The following PPP1R12B variants were observed in gnomAD, a reference collection of about 807,000 sequenced individuals.
PPP1R12B encodes myosin phosphatase target subunit 2.
In PPP1R12B, 76 loss-of-function variants were observed where a neutral mutation model predicts 126.1. That is an observed-to-expected ratio of 0.60 (90% CI 0.50 to 0.73). The LOEUF is 0.73. Among genes scored for constraint, PPP1R12B ranks in the 30% least tolerant of loss-of-function variants. The pLI is 0.00. For synonymous variants in PPP1R12B, 356 were observed against 434.7 expected (o/e 0.82, Z 2.25); for missense variants, 1,052 against 1,205.1 (o/e 0.87, Z 1.88).
intron 1 of PPP1R12B, among the ~76,000 whole-genome samples, chr1:202,393,721 G>A (rs558600556): frequency 2.5e-4 from 38 of 152,222 alleles, no homozygotes; most frequent in African/African-American, 7.9e-4. Flanking sequence ...TGGGGGAATG[G>A]TTAGATATTC....
At chr1:202,430,598 C>T (rs563235450) in intron 6 of PPP1R12B, 133 bp from the exon 7 acceptor site, 127 of 800,630 alleles carry the variant, frequency 1.6e-4, no homozygotes, top group Non-Finnish European at 2.2e-4. Context: ...CTCTTTTTCT[C>T]GGGTTCCCCA....
chr1:202,381,215 ACT>A (rs1410502571), intron 1 of PPP1R12B, among the ~76,000 whole-genome samples: 1 of 152,064 alleles, frequency 6.6e-6, no homozygotes, highest in Non-Finnish European at 1.5e-5. Context: ...AAGAACAATA[ACT>A]CTATTTCTTC....
chr1:202,364,277 G>T (rs1658739970), intron 1 of PPP1R12B, among the ~76,000 whole-genome samples: 2 of 152,126 alleles, frequency 1.3e-5, no homozygotes, highest in Non-Finnish European at 2.9e-5. Flanking sequence ...TTTGAAGAAG[G>T]ATGATACCTT....
chr1:202,383,091 ATT>A (rs1662602536), intron 1 of PPP1R12B, among the ~76,000 whole-genome samples: 1 of 152,210 alleles, frequency 6.6e-6, no homozygotes, highest in African/African-American at 2.4e-5. Context: ...TTTCAAGTCA[ATT>A]AAGTTTGCAA....
At chr1:202,471,653 AT>A (rs951760306) in intron 13 of PPP1R12B, among the ~76,000 whole-genome samples, 19 of 139,274 alleles carry the variant, frequency 1.4e-4, no homozygotes, top group South Asian at 6.6e-4. Context: ...TTTAATTTGC[AT>A]TTTTTTTATT....
At chr1:202,432,863 A>G (rs1670354257) in intron 8 of PPP1R12B, among the ~76,000 whole-genome samples, 1 of 152,144 alleles carries the variant, frequency 6.6e-6, no homozygotes, top group Admixed American at 6.5e-5. Flanking sequence ...CCTACCTATA[A>G]TGAAGATATT....
At chr1:202,380,364 A>G (rs930185503) in intron 1 of PPP1R12B, among the ~76,000 whole-genome samples, 2 of 152,156 alleles carry the variant, frequency 1.3e-5, no homozygotes, top group African/African-American at 2.4e-5. Flanking sequence ...AAGGAGTTTC[A>G]TTATTTACCT....
intron 13 of PPP1R12B, among the ~76,000 whole-genome samples, chr1:202,457,320 C>T (rs1167809579): frequency 6.6e-6 from 1 of 152,036 alleles, no homozygotes; most frequent in Non-Finnish European, 1.5e-5. Context: ...GAGGCCGAGG[C>T]GGGTGGACTG....
chr1:202,488,427 C>A, intron 13 of PPP1R12B, 106 bp from the exon 14 acceptor site: 1 of 866,830 alleles, frequency 1.2e-6, no homozygotes, highest in Non-Finnish European at 1.7e-6. Flanking sequence ...TGCTTAAGTT[C>A]ATTCCTAGAA....
intron 13 of PPP1R12B, among the ~76,000 whole-genome samples, chr1:202,471,181 A>T (rs1297084648): frequency 1.3e-5 from 2 of 152,164 alleles, no homozygotes; most frequent in Non-Finnish European, 2.9e-5. Context: ...ATGTTTTAAT[A>T]CTTTATATAA....
At chr1:202,543,272 G>A (rs1210935870) in intron 18 of PPP1R12B, among the ~76,000 whole-genome samples, 1 of 151,974 alleles carries the variant, frequency 6.6e-6, no homozygotes, top group Non-Finnish European at 1.5e-5. Flanking sequence ...TTTTAAACTC[G>A]TAACAGCAGC....
intron 10 of PPP1R12B, chr1:202,439,366 T>C (rs1042759160): frequency 1.5e-6 from 2 of 1,311,606 alleles, no homozygotes; most frequent in Admixed American, 1.7e-5. Context: ...CACGCAGAAC[T>C]CTTGAAGCTG....
At position 202,582,451 on chromosome 1, in the gene PPP1R12B, G is replaced by A. The variant is rs557227084; in HGVS notation, c.*1891G>A. On this transcript the variant is annotated 3_prime_UTR_variant, in exon 24 of 24. Coordinates refer to ENST00000608999, the MANE Select transcript of PPP1R12B (RefSeq NM_002481.4). Reference sequence around the variant, plus strand: ...AATCCTCATCATTTTAGGGTTGCCAGTGATATTCAGTGTTTAGAGTGGTTC... The same window carrying A: ...AATCCTCATCATTTTAGGGTTGCCAATGATATTCAGTGTTTAGAGTGGTTC... 2.0e-5 allele frequency: 3 copies of A among 152,766 alleles called. No homozygotes were observed. The highest frequency in any genetic ancestry group is 7.2e-5 in the African/African-American group (3 of 41,574). 9.5% of individuals were successfully genotyped at this position (152,766 alleles called of 1,614,324 possible). A position where few individuals can be genotyped will look rare whatever the true frequency, so the allele number is the denominator to read the frequency against.
chr1:202,400,335 G>C (rs1269450332), intron 1 of PPP1R12B, among the ~76,000 whole-genome samples: 4 of 152,150 alleles, frequency 2.6e-5, no homozygotes, highest in Non-Finnish European at 5.9e-5. Context: ...GATACAATTA[G>C]TAAGTCATAG....
chr1:202,410,679 A>G (rs918828440), intron 1 of PPP1R12B, among the ~76,000 whole-genome samples: 4 of 152,228 alleles, frequency 2.6e-5, no homozygotes, highest in Non-Finnish European at 4.4e-5. Flanking sequence ...TCCCCAGATT[A>G]TTGGTAAAAT....
intron 1 of PPP1R12B, among the ~76,000 whole-genome samples, chr1:202,399,815 T>C (rs886119081): frequency 3.9e-5 from 6 of 152,188 alleles, no homozygotes; most frequent in Non-Finnish European, 8.8e-5. Context: ...TTTTCCTTGA[T>C]GATGGATTTA....
intron 23 of PPP1R12B, among the ~76,000 whole-genome samples, 172 bp from the exon 24 acceptor site, chr1:202,580,302 C>T (rs1048184137): frequency 6.6e-6 from 1 of 152,152 alleles, no homozygotes; most frequent in African/African-American, 2.4e-5. Flanking sequence ...ATTACCAACT[C>T]AATAAAAAGG....
chr1:202,371,181 A>ATTT (rs1214666307), intron 1 of PPP1R12B, among the ~76,000 whole-genome samples: 25 of 110,666 alleles, frequency 2.3e-4, no homozygotes, highest in South Asian at 5.8e-4. Flanking sequence ...ACACCCAGCT[A>ATTT]TTTTTTTTTT....
chr1:202,350,969 T>G (rs1306101908), intron 1 of PPP1R12B, among the ~76,000 whole-genome samples: 1 of 152,114 alleles, frequency 6.6e-6, no homozygotes, highest in Admixed American at 6.6e-5. Context: ...CTATGGATTT[T>G]TTTTTAACAT....
Sources: allele counts gnomAD v4.1 joint callset (sites outside exome capture counted in the v4.1 genomes callset), GRCh38; gene constraint gnomAD v4.1.1; transcripts MANE v1.5; gene names NCBI Gene and HGNC (gene_info 2026-07-23, HGNC 2026-07-21).